PRSS23: variants seen among roughly 807,000 people sequenced by gnomAD.
PRSS23 encodes protease, serine 23.
PRSS23 carries 25 observed loss-of-function variants against 34.7 expected under a neutral mutation model. The ratio of observed to expected loss-of-function variants is 0.72; its 90% confidence interval spans 0.53 to 1.01. The LOEUF (loss-of-function observed/expected upper bound fraction) is 1.01. Ranked by LOEUF, PRSS23 falls within the 50% of genes least tolerant of loss-of-function variation. The probability of loss-of-function intolerance (pLI) is 0.00; values close to 1 mark genes in which losing one functional copy is unlikely to be tolerated. For missense variants in PRSS23, 445 were observed against 475.6 expected, an observed-to-expected ratio of 0.94 and a Z score of 0.60; for synonymous variants, 176 against 186.6, an observed-to-expected ratio of 0.94 and a Z score of 0.46.
At chr11:86,894,720 A>G (rs1261690893) in intron 2 of PRSS23, among the ~76,000 whole-genome samples, 1 of 152,210 alleles carries the variant, frequency 6.6e-6, no homozygotes, top group Non-Finnish European at 1.5e-5. Context: ...CTCACAGTGC[A>G]GATGCCATCC....
chr11:86,943,595 G>A (rs1949220401), intron 2 of PRSS23, among the ~76,000 whole-genome samples: 1 of 151,610 alleles, frequency 6.6e-6, no homozygotes, highest in Admixed American at 6.6e-5. Flanking sequence ...TTGCACTCCA[G>A]CCTGGGTGAC....
chr11:86,827,366 T>C lies in PRSS23; in HGVS notation c.206+3773T>C, dbSNP rs186946924. On this transcript the variant is annotated intron_variant, in intron 2 of 2. Transcript: ENST00000533902. Reference sequence around the variant, plus strand: ...CTCCTTTATCATTTTTTATTGCCTCTATTTGATTCTTCTCTCTTTTCTTCT... The same window carrying C: ...CTCCTTTATCATTTTTTATTGCCTCCATTTGATTCTTCTCTCTTTTCTTCT... Among the ~76,000 whole-genome samples the C allele has an allele frequency of 1.8e-3, 281 of 152,340 alleles. 6 individuals are homozygous for C. The East Asian group carries it at 0.048, about 26-fold the overall frequency.
At chr11:86,846,694 A>G (rs1948488724) in intron 2 of PRSS23, among the ~76,000 whole-genome samples, 8 of 152,172 alleles carry the variant, frequency 5.3e-5, no homozygotes, top group Admixed American at 3.9e-4. Context: ...TTCTTTCCTC[A>G]TCTTGTAAGC....
intron 2 of PRSS23, among the ~76,000 whole-genome samples, chr11:86,873,741 G>A (rs1417048296): frequency 6.6e-6 from 1 of 152,206 alleles, no homozygotes; most frequent in Admixed American, 6.5e-5. Context: ...AAATTTGTGA[G>A]TTTTGACAAC....
chr11:86,794,953 T>G lies in PRSS23; in HGVS notation c.-14+3758T>G, dbSNP rs12789973. 2.0e-5 allele frequency among the ~76,000 whole-genome samples: 3 copies of G among 152,072 alleles called. No homozygotes were observed. The East Asian group carries it at 5.8e-4, about 29-fold the overall frequency. ...GAACTGATGGTACCATAGAGGAGAT[T>G]GGAGGAGGAGACAAAAAATACAACC... is the stretch of plus-strand genomic sequence containing the variant. On this transcript the variant is annotated intron_variant, in intron 1 of 1. Coordinates refer to the PRSS23 transcript ENST00000527521.
chr11:86,887,264 G>A (rs1441210627), intron 2 of PRSS23, among the ~76,000 whole-genome samples: 2 of 152,154 alleles, frequency 1.3e-5, no homozygotes, highest in African/African-American at 2.4e-5. Context: ...CATCGCAGGT[G>A]GGGACTGGGT....
chr11:86,935,661 C>T (rs544376769), intron 2 of PRSS23: 8 of 152,234 alleles, frequency 5.3e-5, no homozygotes, highest in African/African-American at 1.4e-4. Flanking sequence ...ACCCCAATGA[C>T]TCTAAAAGTT....
intron 2 of PRSS23, among the ~76,000 whole-genome samples, chr11:86,928,069 GATGT>G (rs1949093501): frequency 6.6e-6 from 1 of 150,832 alleles, no homozygotes; most frequent in African/African-American, 2.4e-5. Context: ...AGCCTACATA[GATGT>G]ATGTATGTAT....
chr11:86,904,218 G>C (rs1246239892), intron 2 of PRSS23, among the ~76,000 whole-genome samples: 1 of 152,144 alleles, frequency 6.6e-6, no homozygotes, highest in Non-Finnish European at 1.5e-5. Flanking sequence ...CATGGGTGCT[G>C]TGTATTTGCT....
Position 86,843,921 on chromosome 11 carries a change from C to G in PRSS23, c.206+20328C>G, listed in dbSNP as rs186740218. Among the ~76,000 whole-genome samples the G allele has an allele frequency of 1.4e-4, 21 of 152,270 alleles. 1 individual carries two copies. The East Asian group carries it at 3.7e-3, about 27-fold the overall frequency. ...CAGCAATCCCATTACTGGGTATATA[C>G]CCAAAGGATTAAAAATCATTCTACT... On this transcript the variant is annotated intron_variant, in intron 2 of 2. Coordinates refer to the PRSS23 transcript ENST00000533902.
chr11:86,879,847 A>G (rs1398445213), intron 2 of PRSS23, among the ~76,000 whole-genome samples: 4 of 138,590 alleles, frequency 2.9e-5, no homozygotes, highest in African/African-American at 5.4e-5. Flanking sequence ...CCGCCCGGCC[A>G]GCCGCCCCGT....
intron 2 of PRSS23, among the ~76,000 whole-genome samples, chr11:86,924,292 A>G (rs1212025744): frequency 6.6e-6 from 1 of 152,140 alleles, no homozygotes; most frequent in Non-Finnish European, 1.5e-5. Context: ...TGGGAAAGGA[A>G]CAGGGAATGT....
chr11:86,951,844 T>G, exon 3 of PRSS23: 1 of 1,613,736 alleles, frequency 6.2e-7, no homozygotes, highest in Non-Finnish European at 8.5e-7. Flanking sequence ...GCAAGAAAAT[T>G]ATTGCACATC....
At chr11:86,858,567 G>T (rs192384353) in intron 2 of PRSS23, among the ~76,000 whole-genome samples, 19 of 151,654 alleles carry the variant, frequency 1.3e-4, no homozygotes, top group African/African-American at 4.4e-4. Context: ...GTTGCAACAG[G>T]TGTACAACTC....
rs576856010 is a variant in PRSS23, at chr11:86,795,010, G to A, written c.-14+3815G>A. Among the ~76,000 whole-genome samples, 73 of 152,188 alleles carry A rather than the reference G, an allele frequency of 4.8e-4. 1 individual carries two copies. In the South Asian group the frequency reaches 7.7e-3, roughly 16 times the overall value. ...CTCATTTGAATCTATAATTCTTCCT[G>A]AATTCAATATTAAAACTCTCTTGCC... is the stretch of plus-strand genomic sequence containing the variant. On this transcript the variant is annotated intron_variant, in intron 1 of 1. Transcript: ENST00000527521.
At chr11:86,928,348 A>G (rs538310586) in intron 2 of PRSS23, among the ~76,000 whole-genome samples, 190 of 148,488 alleles carry the variant, frequency 1.3e-3, no homozygotes, top group African/African-American at 4.5e-3. Context: ...TTACATTAAT[A>G]TATATATAAA....
At chr11:86,862,056 A>G (rs2134935486) in intron 2 of PRSS23, among the ~76,000 whole-genome samples, 1 of 151,604 alleles carries the variant, frequency 6.6e-6, no homozygotes, top group East Asian at 2.0e-4. Context: ...TGTTTGTAAC[A>G]TCTGGAAGGG....
intron 2 of PRSS23, among the ~76,000 whole-genome samples, chr11:86,862,956 A>G (rs1167316956): frequency 6.6e-6 from 1 of 151,906 alleles, no homozygotes; most frequent in Non-Finnish European, 1.5e-5. Context: ...GGGAGATGCT[A>G]CTCCTAATAT....
chr11:86,873,267 TACACACAC>T (rs1439589458), intron 2 of PRSS23, among the ~76,000 whole-genome samples: 3 of 132,012 alleles, frequency 2.3e-5, no homozygotes, highest in South Asian at 2.4e-4. Flanking sequence ...TATATATATA[TACACACAC>T]ATATATATAC....
Sources: allele counts gnomAD v4.1 joint callset (sites outside exome capture counted in the v4.1 genomes callset), GRCh38; gene constraint gnomAD v4.1.1; transcripts MANE v1.5; gene names NCBI Gene and HGNC (gene_info 2026-07-23, HGNC 2026-07-21).